Variants in SRGAP3 observed in about 807,000 individuals in gnomAD.
The protein encoded by SRGAP3 is SLIT-ROBO Rho GTPase-activating protein 3.
SRGAP3 carries 39 observed loss-of-function variants against 121.1 expected under a neutral mutation model. The observed-to-expected ratio is 0.32, with a 90% CI of 0.25 to 0.42. The LOEUF is 0.42. Ranked by LOEUF, SRGAP3 falls within the 10% of genes least tolerant of loss-of-function variation. The pLI, the probability that SRGAP3 is intolerant of heterozygous loss-of-function variation, is 1.00. For missense variants in SRGAP3, 1,213 were observed against 1,470.6 expected (o/e 0.82, Z 2.86); for synonymous variants, 601 against 570.0 (o/e 1.05, Z -0.77).
In SRGAP3 at chr3:8,985,620, G is replaced by A. The variant is rs535318078; in HGVS notation, c.3199C>T (p.Arg1067Trp). The change falls in exon 22 of 22, where the codon CGG becomes TGG. Residue 1067 changes from arginine (R) to tryptophan (W), a missense_variant. Coordinates refer to ENST00000383836, the MANE Select transcript of SRGAP3 (RefSeq NM_014850.4). This position sits in a 1 kb window ranked among gnomAD's most constrained non-coding sequence, Gnocchi z 5.1. Reference sequence around the variant, plus strand: ...CCCGAGCTGCTGCTGCTGCTGGACCGGTGCTGGACCACCGGCCGCACGGGC... The same window carrying A: ...CCCGAGCTGCTGCTGCTGCTGGACCAGTGCTGGACCACCGGCCGCACGGGC... ...MRPVRPVVQH[R>W]SSSSSSSGVG... The A allele has an allele frequency of 1.4e-5, 22 of 1,595,916 alleles. No individual in the cohort carries two copies. In the South Asian group the frequency reaches 1.9e-4, roughly 14 times the overall value.
chr3:9,245,722 G>C (rs1252795366), intron 1 of SRGAP3, among the ~76,000 whole-genome samples: 1 of 152,130 alleles, frequency 6.6e-6, no homozygotes, highest in Non-Finnish European at 1.5e-5. Flanking sequence ...CTAGGAGTTT[G>C]AGATCAGCCT....
chr3:9,240,582 C>A (rs1223670109), intron 1 of SRGAP3, among the ~76,000 whole-genome samples: 1 of 152,154 alleles, frequency 6.6e-6, no homozygotes, highest in African/African-American at 2.4e-5. Context: ...GTATTGATCA[C>A]CAACTAGATG....
At chr3:9,349,127 G>C (rs966015785) in intron 1 of SRGAP3, 1 of 813,882 alleles carries the variant, frequency 1.2e-6, no homozygotes, top group Non-Finnish European at 2.2e-6. Context: ...ACAGTTCCTG[G>C]GGGATGAAGA....
intron 10 of SRGAP3, among the ~76,000 whole-genome samples, chr3:9,045,710 CGTGGGCAGGCCA>C (rs1559995066): frequency 2.6e-5 from 4 of 152,174 alleles, no homozygotes; most frequent in Non-Finnish European, 5.9e-5. Context: ...ACCAAGAAGG[CGTGGGCAGGCCA>C]CTGCACCAGG....
intron 13 of SRGAP3, among the ~76,000 whole-genome samples, chr3:9,025,568 C>CT (rs1293489590): frequency 6.6e-6 from 1 of 152,146 alleles, no homozygotes; most frequent in Non-Finnish European, 1.5e-5. Flanking sequence ...TCTGTTTGAG[C>CT]TTAAAGGAAA....
intron 3 of SRGAP3, among the ~76,000 whole-genome samples, chr3:9,300,456 C>T (rs1955037461): frequency 6.6e-6 from 1 of 151,992 alleles, no homozygotes; most frequent in Non-Finnish European, 1.5e-5. Flanking sequence ...TGCCCCTGTG[C>T]TCCTTTGGGC....
chr3:9,140,643 A>C (rs1367013633), intron 1 of SRGAP3, among the ~76,000 whole-genome samples: 1 of 152,264 alleles, frequency 6.6e-6, no homozygotes, highest in Non-Finnish European at 1.5e-5. Context: ...GTTACCCAAC[A>C]AGAGTAGTCA....
At chr3:9,237,026 T>C (rs1206210470) in intron 1 of SRGAP3, among the ~76,000 whole-genome samples, 2 of 152,210 alleles carry the variant, frequency 1.3e-5, no homozygotes, top group Non-Finnish European at 2.9e-5. Flanking sequence ...TTCTAAGTCA[T>C]CCATTGGGTG....
intron 1 of SRGAP3, among the ~76,000 whole-genome samples, chr3:9,222,716 T>A (rs539720959): frequency 6.6e-6 from 1 of 152,330 alleles, no homozygotes; most frequent in South Asian, 2.1e-4. Flanking sequence ...AACACAAATA[T>A]CATGGTCGCA....
chr3:9,231,633 T>C (rs746126545), intron 1 of SRGAP3, among the ~76,000 whole-genome samples: 9 of 152,200 alleles, frequency 5.9e-5, no homozygotes, highest in Non-Finnish European at 1.2e-4. Context: ...TGGCAGGCCC[T>C]AAGCACAAGA....
chr3:9,247,861 G>C (rs1046559736), intron 1 of SRGAP3, among the ~76,000 whole-genome samples: 1 of 152,238 alleles, frequency 6.6e-6, no homozygotes, highest in Non-Finnish European at 1.5e-5. Flanking sequence ...CACATCCTCA[G>C]AGAAAGGAGG....
intron 1 of SRGAP3, among the ~76,000 whole-genome samples, chr3:9,168,020 T>C (rs1950850802): frequency 6.6e-6 from 1 of 152,188 alleles, no homozygotes; most frequent in South Asian, 2.1e-4. Context: ...GCTCCTTGAT[T>C]CCCCACCACA....
intron 2 of SRGAP3, among the ~76,000 whole-genome samples, chr3:9,121,934 A>G (rs1949019961): frequency 6.6e-6 from 1 of 152,142 alleles, no homozygotes; most frequent in South Asian, 2.1e-4. Context: ...GGTTCCAGGG[A>G]GGGTCCAGAT....
chr3:9,106,511 G>A (rs929431234), intron 2 of SRGAP3, among the ~76,000 whole-genome samples: 1 of 152,140 alleles, frequency 6.6e-6, no homozygotes, highest in African/African-American at 2.4e-5. Flanking sequence ...GATATAGTTT[G>A]GTTTTGTCCC....
chr3:9,266,361 TA>T (rs1450842065), intron 3 of SRGAP3, among the ~76,000 whole-genome samples: 2 of 151,652 alleles, frequency 1.3e-5, no homozygotes, highest in Admixed American at 6.6e-5. Flanking sequence ...TCCCAGAACT[TA>T]AAGTATAATA....
Position 9,045,519 on chromosome 3 carries a change from A to T in SRGAP3, c.1408+1872T>A, listed in dbSNP as rs910256303. The stretch of plus-strand genomic sequence containing the variant: ...ACTAAGTATGGTGATAATGATGATG[A>T]TGATGATGATGATGATGATTGATGA... On this transcript the variant is annotated intron_variant, in intron 10 of 21. Transcript: ENST00000383836. 2.0e-5 allele frequency among the ~76,000 whole-genome samples: 3 copies of T among 152,150 alleles called. No homozygotes were observed. In the East Asian group the frequency reaches 5.8e-4, roughly 29 times the overall value.
In SRGAP3 at chr3:9,010,303, C is replaced by T. The variant is rs1257600669; in HGVS notation, c.2227+5G>A. 1 of 1,614,082 alleles carries T rather than the reference C, an allele frequency of 6.2e-7. No individual in the cohort carries two copies. The highest frequency in any genetic ancestry group is 8.5e-7 in the Non-Finnish European group (1 of 1,180,034). On this transcript the variant is annotated splice_donor_5th_base_variant and intron_variant, in intron 18 of 21. Coordinates refer to ENST00000383836, the MANE Select transcript of SRGAP3 (RefSeq NM_014850.4). ...TCCCTTGTCCCCAGGATCCCCCTCA[C>T]TCACCTTCATCGCTGGTATGAGGCT...
chr3:9,256,896 C>T (rs1574947803), intron 3 of SRGAP3: 2 of 398,450 alleles, frequency 5.0e-6, no homozygotes, highest in African/African-American at 4.1e-5. Flanking sequence ...AAAGCTTACA[C>T]TTTAAGAAAC....
intron 2 of SRGAP3, among the ~76,000 whole-genome samples, chr3:9,327,874 T>C (rs1307871723): frequency 1.3e-5 from 2 of 152,170 alleles, no homozygotes; most frequent in Non-Finnish European, 2.9e-5. Context: ...CCAGTCATTT[T>C]ACTTCGGGAC....
Sources: gnomAD v4.1 joint callset for allele counts (sites outside exome capture counted in the v4.1 genomes callset) on GRCh38, gnomAD v4.1.1 for gene constraint, Gnocchi (gnomAD v3.1) non-coding constraint, MANE v1.5 for transcripts, NCBI Gene and HGNC (gene_info 2026-07-23, HGNC 2026-07-21) for gene names.